The following MBD5 variants were observed in gnomAD, a reference collection of about 807,000 sequenced individuals.
The protein encoded by MBD5 is methyl-CpG-binding domain protein 5.
Under a neutral mutation model 117.3 loss-of-function variants are expected in MBD5, and 13 were observed. That is an observed-to-expected ratio of 0.11 (90% CI 0.07 to 0.18). The LOEUF is 0.18. Among genes scored for constraint, MBD5 ranks in the 10% least tolerant of loss-of-function variants. MBD5 has a pLI of 1.00. For synonymous variants in MBD5, 727 were observed against 766.4 expected (o/e 0.95, Z 0.85); for missense variants, 1,879 against 2,093.8 (o/e 0.90, Z 2.00).
chr2:148,413,079 A>G (rs1293013813), intron 4 of MBD5, among the ~76,000 whole-genome samples: 1 of 151,992 alleles, frequency 6.6e-6, no homozygotes, highest in Non-Finnish European at 1.5e-5. Context: ...ATTAAGTGTG[A>G]TGTTAGCTGT....
At chr2:148,428,020 A>G (rs1705860262) in intron 4 of MBD5, among the ~76,000 whole-genome samples, 1 of 152,152 alleles carries the variant, frequency 6.6e-6, no homozygotes, top group South Asian at 2.1e-4. Flanking sequence ...GAAAGAAATA[A>G]AGGGTATTTG....
intron 4 of MBD5, among the ~76,000 whole-genome samples, chr2:148,436,560 C>T (rs1361971853): frequency 1.3e-5 from 2 of 151,732 alleles, no homozygotes; most frequent in Admixed American, 1.3e-4. Flanking sequence ...TTAGTAGAGA[C>T]GGGGTTTCTC....
chr2:148,228,411 G>A (rs574802993), intron 2 of MBD5, among the ~76,000 whole-genome samples: 22 of 152,212 alleles, frequency 1.4e-4, no homozygotes, highest in African/African-American at 4.6e-4. Flanking sequence ...GCTGGATTAC[G>A]TTTATTGATT....
chr2:148,309,076 G>A (rs777751738), intron 3 of MBD5, among the ~76,000 whole-genome samples: 26 of 152,166 alleles, frequency 1.7e-4, no homozygotes, highest in Non-Finnish European at 2.8e-4. Flanking sequence ...ATAGTTTGAA[G>A]TCAAGTAGCA....
chr2:148,061,407 C>G (rs1419588627), intron 1 of MBD5, among the ~76,000 whole-genome samples: 1 of 152,006 alleles, frequency 6.6e-6, no homozygotes, highest in Non-Finnish European at 1.5e-5. Context: ...TGTCTTTCCT[C>G]TACCCTTCCC....
intron 4 of MBD5, among the ~76,000 whole-genome samples, chr2:148,344,575 G>T (rs1255018734): frequency 6.6e-6 from 1 of 151,912 alleles, no homozygotes; most frequent in African/African-American, 2.4e-5. Flanking sequence ...ATGTGTGTGT[G>T]ACTATTGTAA....
chr2:148,407,016 T>G (rs1705100078), intron 4 of MBD5, among the ~76,000 whole-genome samples: 1 of 152,178 alleles, frequency 6.6e-6, no homozygotes, highest in Non-Finnish European at 1.5e-5. Flanking sequence ...ACCATTACAA[T>G]GTAAACTCCA....
chr2:148,321,742 T>C (rs1559021502), intron 3 of MBD5, among the ~76,000 whole-genome samples: 1 of 152,130 alleles, frequency 6.6e-6, no homozygotes, highest in Non-Finnish European at 1.5e-5. Flanking sequence ...CCTCTATTTC[T>C]ATATATTAAA....
At chr2:148,384,347 A>G (rs1704269188) in intron 4 of MBD5, among the ~76,000 whole-genome samples, 1 of 152,120 alleles carries the variant, frequency 6.6e-6, no homozygotes, top group Non-Finnish European at 1.5e-5. Context: ...ATCATGAGGG[A>G]ACTCCCATTC....
intron 2 of MBD5, among the ~76,000 whole-genome samples, chr2:148,211,052 G>A (rs138884923): frequency 5.3e-5 from 8 of 152,204 alleles, no homozygotes; most frequent in East Asian, 1.9e-4. Flanking sequence ...ATTTTCATAC[G>A]TGAATCAGCA....
intron 1 of MBD5, among the ~76,000 whole-genome samples, chr2:148,075,737 C>A (rs541502307): frequency 7.3e-4 from 111 of 151,602 alleles, no homozygotes; most frequent in Admixed American, 6.2e-3. Context: ...AATCTATAGG[C>A]GTCTCACTCA....
In MBD5 at chr2:148,031,726, G is replaced by C. The variant is rs541937330; in HGVS notation, c.-925+10042G>C. Among the ~76,000 whole-genome samples the C allele has an allele frequency of 2.0e-5, 3 of 152,218 alleles. No homozygotes were observed. In the South Asian group the frequency reaches 6.2e-4, roughly 32 times the overall value. ...AATTATGACTAGAGAGTCCATTGGA[G>C]TCTGAAGTGTTTTCTGAATATGAGT... On this transcript the variant is annotated intron_variant, in intron 1 of 13. Transcript: ENST00000642680.
chr2:148,078,482 T>G (rs899609746), intron 1 of MBD5, among the ~76,000 whole-genome samples: 1 of 152,196 alleles, frequency 6.6e-6, no homozygotes, highest in Non-Finnish European at 1.5e-5. Context: ...ACAGTCCACT[T>G]CTCCTGGCTA....
At chr2:148,053,109 G>A (rs1694766641) in intron 1 of MBD5, among the ~76,000 whole-genome samples, 1 of 152,020 alleles carries the variant, frequency 6.6e-6, no homozygotes, top group Non-Finnish European at 1.5e-5. Context: ...ATTATCAAAA[G>A]TGTAGTGTTG....
In MBD5 at chr2:148,469,041, T is replaced by C. The variant is rs1472247055; in HGVS notation, c.1098T>C (p.Ser366=). 5.0e-6 allele frequency: 8 copies of C among 1,613,982 alleles called. No individual in the cohort carries two copies. The highest frequency in any genetic ancestry group is 6.8e-6 in the Non-Finnish European group (8 of 1,179,970). Residue 366 remains serine (S), a synonymous_variant, in exon 8 of 14, where the codon AGT becomes AGC. Coordinates refer to ENST00000642680, the MANE Select transcript of MBD5 (RefSeq NM_001378120.1). ...DPLGILDPIP[S]KPVNQNPVII... is the part of the protein sequence containing the mutation. Reference sequence around the variant, plus strand: ...TTGGCATTCTTGACCCTATTCCTAGTAAACCAGTGAATCAGAACCCTGTTA... The same window carrying C: ...TTGGCATTCTTGACCCTATTCCTAGCAAACCAGTGAATCAGAACCCTGTTA...
intron 3 of MBD5, among the ~76,000 whole-genome samples, chr2:148,261,230 G>C (rs768232702): frequency 1.4e-4 from 22 of 152,170 alleles, no homozygotes; most frequent in Non-Finnish European, 2.2e-4. Context: ...AAGAGAATCA[G>C]TGGGTCCTTT....
intron 1 of MBD5, among the ~76,000 whole-genome samples, chr2:148,107,431 G>A (rs1164165845): frequency 2.6e-5 from 4 of 151,674 alleles, no homozygotes; most frequent in Admixed American, 2.6e-4. Flanking sequence ...TATCAGATAT[G>A]AAAATTATTT....
At chr2:148,433,447 C>T (rs11902437) in intron 4 of MBD5, among the ~76,000 whole-genome samples, 36,263 of 151,946 alleles carry the variant, frequency 0.24, 4,884 homozygotes, top group African/African-American at 0.36. Flanking sequence ...AGGGGATTCT[C>T]TCAGCATTTG....
chr2:148,327,921 T>A lies in MBD5; in HGVS notation c.-679-14293T>A, dbSNP rs551435525. Among the ~76,000 whole-genome samples the A allele has an allele frequency of 1.3e-4, 20 of 152,278 alleles. No individual in the cohort carries two copies. The South Asian group carries it at 3.1e-3, about 24-fold the overall frequency. On this transcript the variant is annotated intron_variant, in intron 3 of 13. Transcript: ENST00000642680. ...CTTTGGAGGAGGAGAGGCGCTCTGCTTTTTAGAGTTTCCAGTTTTTCTGCT... is the reference window on the plus strand; with the variant it reads ...CTTTGGAGGAGGAGAGGCGCTCTGCATTTTAGAGTTTCCAGTTTTTCTGCT...
Sources: allele counts gnomAD v4.1 joint callset (sites outside exome capture counted in the v4.1 genomes callset), GRCh38; gene constraint gnomAD v4.1.1; transcripts MANE v1.5; gene names NCBI Gene and HGNC (gene_info 2026-07-23, HGNC 2026-07-21).